TSPAN9: variants seen among roughly 807,000 people sequenced by gnomAD.
TSPAN9 encodes the protein tetraspanin 9.
TSPAN9 carries 16 observed loss-of-function variants against 31.0 expected under a neutral mutation model. The ratio of observed to expected loss-of-function variants is 0.52; its 90% CI spans 0.35 to 0.78. The LOEUF is 0.78. TSPAN9 is among the 30% of genes least tolerant of loss of function. The probability of loss-of-function intolerance (pLI) is 0.01; values close to 1 mark genes in which losing one functional copy is unlikely to be tolerated. For missense variants in TSPAN9, 272 were observed against 312.5 expected, an observed-to-expected ratio of 0.87 and a Z score of 0.98; for synonymous variants, 145 against 121.6, an observed-to-expected ratio of 1.19 and a Z score of -1.27.
intron 3 of TSPAN9, among the ~76,000 whole-genome samples, chr12:3,212,927 G>C (rs570036345): frequency 6.6e-6 from 1 of 152,148 alleles, no homozygotes; most frequent in Non-Finnish European, 1.5e-5. Context: ...CAACGTGGGA[G>C]GATGCCTATC....
At chr12:3,146,686 A>G (rs1024216274) in intron 2 of TSPAN9, among the ~76,000 whole-genome samples, 4 of 151,796 alleles carry the variant, frequency 2.6e-5, no homozygotes, top group African/African-American at 9.7e-5. Flanking sequence ...ATCTTTCTCC[A>G]CCTGCTTTGT....
chr12:3,148,586 C>T (rs1180181782), intron 2 of TSPAN9, among the ~76,000 whole-genome samples: 3 of 152,188 alleles, frequency 2.0e-5, no homozygotes, highest in South Asian at 2.1e-4. Flanking sequence ...GGGCCTAGAG[C>T]GTGCACATGA....
chr12:3,193,782 C>T (rs1261371225), intron 2 of TSPAN9, among the ~76,000 whole-genome samples: 1 of 152,204 alleles, frequency 6.6e-6, no homozygotes, highest in Non-Finnish European at 1.5e-5. Context: ...GCTCCTGTCT[C>T]AGTCTTCTCT....
chr12:3,146,811 A>G (rs1470763482), intron 2 of TSPAN9, among the ~76,000 whole-genome samples: 1 of 152,206 alleles, frequency 6.6e-6, no homozygotes, highest in East Asian at 1.9e-4. Context: ...GCGTCTGGAC[A>G]TTCTCTGGGA....
intron 3 of TSPAN9, among the ~76,000 whole-genome samples, chr12:3,272,576 G>A (rs1862701585): frequency 6.6e-6 from 1 of 152,022 alleles, no homozygotes; most frequent in African/African-American, 2.4e-5. Flanking sequence ...GTTTAGTGAG[G>A]GTAGGCAGCA....
intron 3 of TSPAN9, among the ~76,000 whole-genome samples, chr12:3,277,898 A>G (rs1488412999): frequency 1.3e-5 from 2 of 152,314 alleles, no homozygotes; most frequent in East Asian, 1.9e-4. Context: ...CAGTGGACAA[A>G]TGGCCCTTCG....
intron 3 of TSPAN9, among the ~76,000 whole-genome samples, chr12:3,256,241 A>G (rs2153978598): frequency 6.6e-6 from 1 of 152,300 alleles, no homozygotes; most frequent in East Asian, 1.9e-4. Context: ...CAGGAGCCAA[A>G]CCACGTCCGA....
At chr12:3,133,108 G>A (rs1223999023) in intron 2 of TSPAN9, among the ~76,000 whole-genome samples, 1 of 152,184 alleles carries the variant, frequency 6.6e-6, no homozygotes, top group African/African-American at 2.4e-5. Context: ...CTGTCCCTCG[G>A]TGAAGGAATT....
chr12:3,279,531 T>G (rs986632870), intron 5 of TSPAN9, among the ~76,000 whole-genome samples: 2 of 152,234 alleles, frequency 1.3e-5, no homozygotes, highest in African/African-American at 2.4e-5. Context: ...TTTCCTGCAC[T>G]AGAGCCCTTG....
chr12:3,270,368 C>A (rs1862651033), intron 3 of TSPAN9, among the ~76,000 whole-genome samples: 1 of 152,146 alleles, frequency 6.6e-6, no homozygotes, highest in Non-Finnish European at 1.5e-5. Flanking sequence ...TGATAGATGC[C>A]CCCATCCCTC....
intron 2 of TSPAN9, among the ~76,000 whole-genome samples, chr12:3,174,215 A>G (rs2098353736): frequency 6.6e-6 from 1 of 151,824 alleles, no homozygotes; most frequent in African/African-American, 2.4e-5. Context: ...CTACAGGCAC[A>G]TGCCACCATA....
rs116415110 is a variant in TSPAN9 at position 3,128,938 on chromosome 12, C to T, written c.-18+45219C>T. ...ATAACTTCCCATTCTCCCCCTACTTCCAGCCCCTGGTTATCATCATCCATT... is the reference window on the plus strand; with the variant it reads ...ATAACTTCCCATTCTCCCCCTACTTTCAGCCCCTGGTTATCATCATCCATT... On this transcript the variant is annotated intron_variant, in intron 2 of 8. Transcript: ENST00000011898. Among the ~76,000 whole-genome samples the T allele has an allele frequency of 5.5e-3, 837 of 152,278 alleles. 4 individuals carry two copies. The highest frequency in any genetic ancestry group is 0.019 in the African/African-American group (799 of 41,562).
At chr12:3,096,915 G>A (rs985767036) in intron 2 of TSPAN9, among the ~76,000 whole-genome samples, 1 of 152,080 alleles carries the variant, frequency 6.6e-6, no homozygotes, top group African/African-American at 2.4e-5. Context: ...AGCCAGGATG[G>A]TCTCGATCTT....
intron 3 of TSPAN9, among the ~76,000 whole-genome samples, chr12:3,240,628 C>T (rs2098396105): frequency 6.6e-6 from 1 of 152,164 alleles, no homozygotes; most frequent in African/African-American, 2.4e-5. Flanking sequence ...TGTTAAGACA[C>T]AGCTGGCACT....
intron 2 of TSPAN9, among the ~76,000 whole-genome samples, chr12:3,191,416 C>A (rs1360415715): frequency 6.6e-6 from 1 of 152,182 alleles, no homozygotes; most frequent in South Asian, 2.1e-4. Context: ...CCCCTTCCCC[C>A]CTGCCTGTCC....
intron 2 of TSPAN9, among the ~76,000 whole-genome samples, chr12:3,142,759 GGTT>G (rs1181898499): frequency 6.6e-6 from 1 of 152,138 alleles, no homozygotes; most frequent in African/African-American, 2.4e-5. Flanking sequence ...TGCTTTTTTG[GGTT>G]GTTGTTAACA....
chr12:3,278,320 T>C (rs911032015), intron 3 of TSPAN9, 101 bp from the exon 4 acceptor site: 1 of 1,493,308 alleles, frequency 6.7e-7, no homozygotes, highest in Non-Finnish European at 9.0e-7. Context: ...GTTCTCACTT[T>C]GTCTGTGTCT....
chr12:3,279,845 C>A (rs1490204156), intron 5 of TSPAN9, among the ~76,000 whole-genome samples: 1 of 152,172 alleles, frequency 6.6e-6, no homozygotes, highest in Non-Finnish European at 1.5e-5. Flanking sequence ...TGTTCTTGGC[C>A]CTTTTATGAG....
chr12:3,275,058 G>T (rs1217949102), intron 3 of TSPAN9, among the ~76,000 whole-genome samples: 2 of 152,232 alleles, frequency 1.3e-5, no homozygotes, highest in East Asian at 1.9e-4. Flanking sequence ...GAGGTAGAAG[G>T]CTCCCAGGTG....
Sources: gnomAD v4.1 joint callset for allele counts (sites outside exome capture counted in the v4.1 genomes callset) on GRCh38, gnomAD v4.1.1 for gene constraint, MANE v1.5 for transcripts, NCBI Gene and HGNC (gene_info 2026-07-23, HGNC 2026-07-21) for gene names.